Variants in COPS3 observed in about 807,000 individuals in gnomAD.
COPS3 encodes the protein COP9 signalosome subunit 3, also known as COP9 signalosome complex subunit 3.
Under a neutral mutation model 58.2 loss-of-function variants are expected in COPS3, and 10 were observed. That is an observed-to-expected ratio of 0.17 (90% confidence interval 0.11 to 0.29). COPS3 has a LOEUF of 0.29. COPS3 is among the 10% of genes least tolerant of loss of function. The pLI is 1.00. For synonymous variants in COPS3, 187 were observed against 181.7 expected, an observed-to-expected ratio of 1.03 and a Z score of -0.24; for missense variants, 333 against 510.1, an observed-to-expected ratio of 0.65 and a Z score of 3.34.
chr17:17,280,849 G>C (rs1484727397), intron 1 of COPS3: 2 of 1,186,834 alleles, frequency 1.7e-6, no homozygotes, highest in African/African-American at 3.1e-5. Context: ...CCCCCAAACT[G>C]TCAAGCAAAG....
chr17:17,248,099 C>T (rs374778449), intron 10 of COPS3, among the ~76,000 whole-genome samples: 7 of 152,234 alleles, frequency 4.6e-5, no homozygotes, highest in African/African-American at 1.4e-4. Flanking sequence ...CCAGCCACCC[C>T]GACTCTGCTT....
chr17:17,257,195 G>A (rs1229939595), intron 8 of COPS3, among the ~76,000 whole-genome samples: 1 of 151,504 alleles, frequency 6.6e-6, no homozygotes, highest in South Asian at 2.1e-4. Context: ...GAAACCCCGT[G>A]TCTACTAAAA....
rs771702594 is a variant in COPS3, at chr17:17,267,909, G to C, written c.417C>G (p.Thr139=). Residue 139 remains threonine (T), a synonymous_variant, in exon 5 of 12, where the codon ACC becomes ACG. Transcript: ENST00000268717. ...DKMQMNTNQL[T]SIHADLCQLC... is the part of the protein sequence containing the mutation. Reference sequence around the variant, plus strand: ...CCTGGCAGAGATCAGCATGTATTGAGGTCAGCTGGTTTGTATTCATCTGCA... The same window carrying C: ...CCTGGCAGAGATCAGCATGTATTGACGTCAGCTGGTTTGTATTCATCTGCA... 6.2e-7 allele frequency: 1 copy of C among 1,613,862 alleles called. No homozygotes were observed. Among genetic ancestry groups the C allele is most frequent in the Non-Finnish European group, 8.5e-7 (1 of 1,179,932 alleles).
At chr17:17,261,870 A>G (rs939137520) in intron 7 of COPS3, 96 bp downstream of exon 7, 12 of 1,069,512 alleles carry the variant, frequency 1.1e-5, no homozygotes, top group Non-Finnish European at 1.6e-5. Flanking sequence ...GGAGAGCTAA[A>G]TCAGTATAAA....
In COPS3 at chr17:17,270,905, T is replaced by C. The variant is rs2048327189; in HGVS notation, c.289A>G (p.Thr97Ala). 1 of 1,613,540 alleles carries C rather than the reference T, an allele frequency of 6.2e-7. No homozygotes were observed. Among genetic ancestry groups the C allele is most frequent in the Non-Finnish European group, 8.5e-7 (1 of 1,179,656 alleles). ...ATGTTATTTAGCTTACAAGTGTCTG[T>C]TGCATATCGAATGTGCTCCCCATTA... ...TCNGEHIRYA[T>A]DTFAGLCHQL... Residue 97 changes from threonine (T) to alanine (A), a missense_variant, in exon 3 of 12, where the codon ACA (threonine) becomes GCA (alanine). Transcript: ENST00000268717.
At chr17:17,249,771 C>G (rs1302337649) in intron 9 of COPS3, among the ~76,000 whole-genome samples, 3 of 152,178 alleles carry the variant, frequency 2.0e-5, no homozygotes, top group African/African-American at 7.2e-5. Flanking sequence ...GGATTACAGG[C>G]GTAAGCCACC....
chr17:17,263,766 G>A (rs956187900), intron 6 of COPS3, among the ~76,000 whole-genome samples: 2 of 151,862 alleles, frequency 1.3e-5, no homozygotes, highest in Non-Finnish European at 2.9e-5. Context: ...CGCCGGCCTC[G>A]GCCTCCCAAA....
Position 17,270,742 on chromosome 17 carries a change from G to A in COPS3, c.348+16C>T, listed in dbSNP as rs1409048343. 22 of 1,569,114 alleles carry A rather than the reference G, an allele frequency of 1.4e-5. No individual in the cohort carries two copies. In the South Asian group the frequency reaches 2.5e-4, roughly 18 times the overall value. The stretch of plus-strand genomic sequence containing the variant: ...TATTATAACAAAACTAGGAATACTT[G>A]AATAGTATTTCTTACCTGTTTTCTT... On this transcript the variant is annotated intron_variant, in intron 4 of 11. Transcript: ENST00000268717.
intron 4 of COPS3, among the ~76,000 whole-genome samples, chr17:17,268,823 A>C (rs111622582): frequency 0.035 from 5,214 of 147,680 alleles, 281 homozygotes; most frequent in African/African-American, 0.11. Context: ...CATCTCAAAA[A>C]AACAACAACA....
intron 8 of COPS3, 130 bp from the exon 9 acceptor site, chr17:17,255,075 G>T: frequency 6.6e-6 from 4 of 609,732 alleles, no homozygotes; most frequent in East Asian, 3.0e-5. Context: ...GCTGAGGTGG[G>T]CAGATCATGA....
chr17:17,250,308 G>A (rs2047815217), intron 9 of COPS3, among the ~76,000 whole-genome samples: 1 of 145,056 alleles, frequency 6.9e-6, no homozygotes, highest in East Asian at 2.1e-4. Context: ...AGGCTGGAGT[G>A]CAGTGGCTTG....
chr17:17,255,838 C>CT (rs2047960338), intron 8 of COPS3, among the ~76,000 whole-genome samples: 9 of 42,736 alleles, frequency 2.1e-4, no homozygotes, highest in African/African-American at 4.2e-4. Context: ...GACTCCATCT[C>CT]AAAATAAATA....
chr17:17,279,213 A>C (rs993727476), intron 1 of COPS3, among the ~76,000 whole-genome samples: 2 of 152,166 alleles, frequency 1.3e-5, no homozygotes, highest in Admixed American at 1.3e-4. Context: ...TGTGAGGCAC[A>C]GTAGCCGACA....
Position 17,267,888 on chromosome 17 carries a change from G to A in COPS3, c.438C>T (p.Cys146=). The A allele has an allele frequency of 1.2e-6, 2 of 1,613,120 alleles. No individual in the cohort carries two copies. Among genetic ancestry groups the A allele is most frequent in the Non-Finnish European group, 1.7e-6 (2 of 1,179,422 alleles). Residue 146 remains cysteine (C), a synonymous_variant, in exon 5 of 12, where the codon TGC becomes TGT. Transcript: ENST00000268717. ...NQLTSIHADL[C]QLCLLAKCFK... is the part of the protein sequence containing the mutation. Reference sequence around the variant, plus strand: ...ATCACACACTTTGGTTGCTTACCTGGCAGAGATCAGCATGTATTGAGGTCA... The same window carrying A: ...ATCACACACTTTGGTTGCTTACCTGACAGAGATCAGCATGTATTGAGGTCA...
chr17:17,248,081 C>T (rs1261104472), intron 10 of COPS3, among the ~76,000 whole-genome samples: 1 of 152,136 alleles, frequency 6.6e-6, no homozygotes, highest in Non-Finnish European at 1.5e-5. Context: ...GGGCTTTGCT[C>T]TTCTCCTCCA....
At position 17,254,927 on chromosome 17, in the gene COPS3, A is replaced by T; in HGVS notation, c.955T>A (p.Leu319Ile). The T allele has an allele frequency of 6.2e-7, 1 of 1,613,206 alleles. No individual in the cohort carries two copies. The highest frequency in any genetic ancestry group is 8.5e-7 in the Non-Finnish European group (1 of 1,179,288). Residue 319 changes from leucine (L) to isoleucine (I), a missense_variant, in exon 9 of 12, where the codon TTA becomes ATA. Coordinates refer to ENST00000268717, the MANE Select transcript of COPS3 (RefSeq NM_003653.4). The part of the protein sequence containing the change: ...RLTKTFLTLS[L>I]QDMASRVQLS... Reference sequence around the variant, plus strand: ...TGCACACGACTTGCCATATCTTGTAATGATAGAGTTAAAAAGGTCTGAAAG... The same window carrying T: ...TGCACACGACTTGCCATATCTTGTATTGATAGAGTTAAAAAGGTCTGAAAG...
At chr17:17,269,834 T>C (rs917402855) in intron 4 of COPS3, among the ~76,000 whole-genome samples, 1 of 152,010 alleles carries the variant, frequency 6.6e-6, no homozygotes, top group Admixed American at 6.6e-5. Context: ...CTAAATGGGG[T>C]CTGTCAATTT....
intron 9 of COPS3, among the ~76,000 whole-genome samples, chr17:17,253,545 A>ATGC (rs2047896766): frequency 6.6e-6 from 1 of 152,134 alleles, no homozygotes; most frequent in Non-Finnish European, 1.5e-5. Flanking sequence ...CCTAAGCTGG[A>ATGC]TGCTAAGTCC....
rs541710774 is a variant in COPS3, at chr17:17,248,485, T to A, written c.1137+441A>T. 4.5e-4 allele frequency among the ~76,000 whole-genome samples: 69 copies of A among 152,226 alleles called. No individual in the cohort carries two copies. The South Asian group carries it at 5.0e-3, about 11-fold the overall frequency. ...GTGCACCACCACACCCGGCTGATTT[T>A]TTATTTTTTTTAGTAGAGACGGGGT... On this transcript the variant is annotated intron_variant, in intron 10 of 11. Coordinates refer to ENST00000268717, the MANE Select transcript of COPS3 (RefSeq NM_003653.4).
Sources: allele counts gnomAD v4.1 joint callset (sites outside exome capture counted in the v4.1 genomes callset), GRCh38; gene constraint gnomAD v4.1.1; transcripts MANE v1.5; gene names NCBI Gene and HGNC (gene_info 2026-07-23, HGNC 2026-07-21).